The following FSD1L variants were observed in gnomAD, a reference collection of about 807,000 sequenced individuals.
The protein encoded by FSD1L is fibronectin type III and SPRY domain containing 1 like, also known as FSD1-like protein.
FSD1L carries 45 observed loss-of-function variants against 71.6 expected under a neutral mutation model. The ratio of observed to expected loss-of-function variants is 0.63; its 90% confidence interval spans 0.49 to 0.81. FSD1L has a LOEUF of 0.81. Among genes scored for constraint, FSD1L ranks in the 30% least tolerant of loss-of-function variants. FSD1L has a pLI of 0.00. For synonymous variants in FSD1L, 197 were observed against 207.2 expected (o/e 0.95, Z 0.42); for missense variants, 561 against 618.1 (o/e 0.91, Z 0.98).
At chr9:105,454,174 GT>G (rs1311986305) in intron 1 of FSD1L, among the ~76,000 whole-genome samples, 1 of 152,034 alleles carries the variant, frequency 6.6e-6, no homozygotes, top group Non-Finnish European at 1.5e-5. Flanking sequence ...TCACCATCTA[GT>G]TTTTTGGTAT....
chr9:105,504,339 G>A (rs1418299480), intron 7 of FSD1L, among the ~76,000 whole-genome samples: 1 of 152,192 alleles, frequency 6.6e-6, no homozygotes. Flanking sequence ...TTGGTTGTCA[G>A]TTGTCTTACT....
chr9:105,521,480 C>T (rs1835150962), intron 10 of FSD1L: 1 of 1,613,678 alleles, frequency 6.2e-7, no homozygotes. Flanking sequence ...GTAATGTAAA[C>T]TTTGTGACAG....
chr9:105,524,445 T>G (rs1835376877), intron 10 of FSD1L: 2 of 1,613,456 alleles, frequency 1.2e-6, no homozygotes, highest in Admixed American at 3.3e-5. Context: ...CCTTCTGGAC[T>G]GGATCATGGC....
At chr9:105,517,662 C>T (rs1232547520) in intron 10 of FSD1L, among the ~76,000 whole-genome samples, 1 of 152,152 alleles carries the variant, frequency 6.6e-6, no homozygotes, top group African/African-American at 2.4e-5. Flanking sequence ...ATGAAGGAAG[C>T]ACTAAACATG....
At chr9:105,471,712 AAAT>A (rs1156309329) in intron 4 of FSD1L, among the ~76,000 whole-genome samples, 189 bp from the exon 5 acceptor site, 6 of 129,842 alleles carry the variant, frequency 4.6e-5, no homozygotes, top group African/African-American at 1.6e-4. Flanking sequence ...TATATAAAAA[AAAT>A]AACACGTTTT....
chr9:105,489,135 A>G (rs1180216817), intron 7 of FSD1L, among the ~76,000 whole-genome samples: 1 of 152,180 alleles, frequency 6.6e-6, no homozygotes, highest in Non-Finnish European at 1.5e-5. Context: ...GTTTACTGAC[A>G]TAGATGTAGA....
chr9:105,493,693 C>T (rs1313447108), intron 7 of FSD1L, among the ~76,000 whole-genome samples: 1 of 152,052 alleles, frequency 6.6e-6, no homozygotes, highest in Non-Finnish European at 1.5e-5. Context: ...TAGGGCAGGC[C>T]TGGTGGTGAC....
intron 13 of FSD1L, among the ~76,000 whole-genome samples, chr9:105,540,535 AT>A (rs1318677559): frequency 6.6e-6 from 1 of 152,124 alleles, no homozygotes; most frequent in East Asian, 1.9e-4. Flanking sequence ...TACCTTGTAC[AT>A]TTAGATATAG....
chr9:105,446,559 T>G (rs931639047), upstream of FSD1L, among the ~76,000 whole-genome samples: 11 of 151,798 alleles, frequency 7.2e-5, no homozygotes, highest in Non-Finnish European at 1.6e-4. Flanking sequence ...TCTGTAGAGA[T>G]GGGGTTTTGC....
At chr9:105,462,341 G>A (rs1480076404) in intron 2 of FSD1L, among the ~76,000 whole-genome samples, 1 of 148,236 alleles carries the variant, frequency 6.7e-6, no homozygotes, top group African/African-American at 2.5e-5. Context: ...TCAGCCTCCC[G>A]AATAGCTGAG....
At chr9:105,451,537 A>C (rs1372711795) in intron 1 of FSD1L, among the ~76,000 whole-genome samples, 4 of 152,368 alleles carry the variant, frequency 2.6e-5, no homozygotes, top group African/African-American at 7.2e-5. Context: ...GTTTGAGTAG[A>C]GGAAGAAAAC....
chr9:105,519,426 A>C (rs956934214), intron 10 of FSD1L, among the ~76,000 whole-genome samples: 1 of 152,218 alleles, frequency 6.6e-6, no homozygotes, highest in Non-Finnish European at 1.5e-5. Flanking sequence ...AACCGAACCC[A>C]GCAGCACATC....
intron 7 of FSD1L, among the ~76,000 whole-genome samples, chr9:105,499,322 G>A (rs1833624314): frequency 1.3e-5 from 2 of 152,076 alleles, no homozygotes; most frequent in Non-Finnish European, 2.9e-5. Flanking sequence ...TGAATTAACT[G>A]TTACTGGTTA....
chr9:105,530,524 A>AT (rs1394157544), intron 10 of FSD1L: 1 of 672,336 alleles, frequency 1.5e-6, no homozygotes, highest in African/African-American at 1.8e-5. Flanking sequence ...ATTTTTAAAA[A>AT]TTGTTTTTCT....
At chr9:105,490,718 A>C (rs1421040611) in intron 7 of FSD1L, among the ~76,000 whole-genome samples, 8 of 122,162 alleles carry the variant, frequency 6.5e-5, no homozygotes, top group African/African-American at 1.9e-4. Flanking sequence ...TCAGCTTTCT[A>C]CATATGGCTA....
chr9:105,529,238 A>G (rs1835731732), intron 10 of FSD1L, among the ~76,000 whole-genome samples: 1 of 152,252 alleles, frequency 6.6e-6, no homozygotes, highest in Non-Finnish European at 1.5e-5. Flanking sequence ...ATCTAGAACT[A>G]GAAATATCAT....
At chr9:105,502,025 GT>G (rs1308789996) in intron 7 of FSD1L, among the ~76,000 whole-genome samples, 44 of 152,064 alleles carry the variant, frequency 2.9e-4, no homozygotes, top group Middle Eastern at 3.4e-3. Flanking sequence ...CTTTCTGCAT[GT>G]TACTGCTCTT....
At chr9:105,464,208 A>G in intron 2 of FSD1L, 28 bp from the exon 3 acceptor site, 1 of 1,105,942 alleles carries the variant, frequency 9.0e-7, no homozygotes, top group South Asian at 1.5e-5. Flanking sequence ...ATTGAAATAT[A>G]GTATTTTAAT....
At chr9:105,479,236 A>G in intron 5 of FSD1L, 118 bp from the exon 6 acceptor site, 1 of 788,804 alleles carries the variant, frequency 1.3e-6, no homozygotes, top group Non-Finnish European at 2.1e-6. Context: ...GTTTTGGTGA[A>G]TATGAACTAA....
Sources: allele counts gnomAD v4.1 joint callset (sites outside exome capture counted in the v4.1 genomes callset), GRCh38; gene constraint gnomAD v4.1.1; transcripts MANE v1.5; gene names NCBI Gene and HGNC (gene_info 2026-07-23, HGNC 2026-07-21).